ROR2: variants seen among roughly 807,000 people sequenced by gnomAD.
ROR2 encodes the protein ROR family WNT receptor 2.
Under a neutral mutation model 74.9 loss-of-function variants are expected in ROR2, and 33 were observed. That is an observed-to-expected ratio of 0.44 (90% CI 0.33 to 0.59). The LOEUF is 0.59. ROR2 is among the 20% of genes least tolerant of loss of function. The pLI is 0.02. For synonymous variants in ROR2, 586 were observed against 558.7 expected (o/e 1.05, Z -0.69); for missense variants, 1,216 against 1,313.8 (o/e 0.93, Z 1.15).
intron 1 of ROR2, among the ~76,000 whole-genome samples, chr9:91,821,292 C>T (rs897926123): frequency 6.6e-6 from 1 of 152,200 alleles, no homozygotes; most frequent in African/African-American, 2.4e-5. Context: ...TTAAGCCACC[C>T]AGTCTGTGGC....
chr9:91,835,762 A>C (rs1828593986), intron 1 of ROR2, among the ~76,000 whole-genome samples: 1 of 152,160 alleles, frequency 6.6e-6, no homozygotes, highest in African/African-American at 2.4e-5. Context: ...GCACCTGTGG[A>C]GCTCAGGGGC....
At chr9:91,785,912 C>A (rs1461156799) in intron 1 of ROR2, among the ~76,000 whole-genome samples, 1 of 152,104 alleles carries the variant, frequency 6.6e-6, no homozygotes, top group Non-Finnish European at 1.5e-5. Flanking sequence ...CTTTACAACT[C>A]CAAAGAAACT....
intron 5 of ROR2, among the ~76,000 whole-genome samples, chr9:91,737,045 T>C (rs528474073): frequency 2.0e-4 from 30 of 152,152 alleles, no homozygotes; most frequent in African/African-American, 7.0e-4. Flanking sequence ...GTGGGGGCGC[T>C]GAGGCTATCT....
intron 4 of ROR2, among the ~76,000 whole-genome samples, chr9:91,740,958 G>C (rs983816521): frequency 6.6e-6 from 1 of 152,120 alleles, no homozygotes; most frequent in African/African-American, 2.4e-5. Flanking sequence ...GGATGAAGAA[G>C]AAACTTCTAC....
chr9:91,927,424 A>G (rs1831432987), intron 1 of ROR2, among the ~76,000 whole-genome samples: 2 of 152,240 alleles, frequency 1.3e-5, no homozygotes, highest in East Asian at 1.9e-4. Flanking sequence ...CTCCAAAGCC[A>G]GAGGACCCTG....
chr9:91,891,322 G>A (rs1019187389), intron 1 of ROR2, among the ~76,000 whole-genome samples: 3 of 150,034 alleles, frequency 2.0e-5, no homozygotes, highest in South Asian at 2.1e-4. Flanking sequence ...GCAGTGGCAC[G>A]ATCTCACTGC....
At chr9:91,798,423 G>A (rs991936580) in intron 1 of ROR2, among the ~76,000 whole-genome samples, 1 of 123,636 alleles carries the variant, frequency 8.1e-6, no homozygotes, top group Admixed American at 7.8e-5. Flanking sequence ...CTCTGTGGGT[G>A]GGGCTGACAC....
At chr9:91,913,653 T>C (rs931558175) in intron 1 of ROR2, among the ~76,000 whole-genome samples, 8 of 152,236 alleles carry the variant, frequency 5.3e-5, no homozygotes, top group Admixed American at 2.0e-4. Flanking sequence ...ATTTACTCTC[T>C]AAACTACTCC....
chr9:91,819,508 G>A (rs1235508759), intron 1 of ROR2, among the ~76,000 whole-genome samples: 6 of 151,810 alleles, frequency 4.0e-5, no homozygotes, highest in Non-Finnish European at 8.8e-5. Context: ...GTGTCTTGGC[G>A]TGTGTTCTGT....
At chr9:91,740,414 T>C (rs1825187380) in intron 4 of ROR2, among the ~76,000 whole-genome samples, 2 of 151,716 alleles carry the variant, frequency 1.3e-5, no homozygotes, top group Admixed American at 1.3e-4. Flanking sequence ...TAGCCAGGCG[T>C]AGTGGTGGGT....
chr9:91,744,055 T>G lies in ROR2; in HGVS notation c.495-6537A>C, dbSNP rs555623517. ...TAACCAGAATAAATCTTTCAGACAT[T>G]ACATTTAATGAAAGAGGCCAGACAT... On this transcript the variant is annotated intron_variant, in intron 4 of 8. Coordinates refer to ENST00000375708, the MANE Select transcript of ROR2 (RefSeq NM_004560.4). Among the ~76,000 whole-genome samples, 11 of 152,230 alleles carry G rather than the reference T, an allele frequency of 7.2e-5. 1 individual carries two copies. The South Asian group carries it at 2.3e-3, about 32-fold the overall frequency.
chr9:91,830,809 CGTGTGTGTGTGTGT>C lies in ROR2; in HGVS notation c.98-55005_98-54992del, dbSNP rs34963566. ...TTTACCAAAACTAAATAACTGTGTC[CGTGTGTGTGTGTGT>C]GTGTGTGTGTGTGTGTGTGTGTGTG... On this transcript the variant is annotated intron_variant, in intron 1 of 8. Transcript: ENST00000375708. Among the ~76,000 whole-genome samples, 294 of 139,678 alleles carry C rather than the reference CGTGTGTGTGTGTGT, an allele frequency of 2.1e-3. 2 individuals carry two copies. Among genetic ancestry groups the C allele is most frequent in the South Asian group, 5.5e-3 (22 of 4,012 alleles). 91.6% of individuals were successfully genotyped at this position (139,678 alleles called of 152,430 possible). A position where few individuals can be genotyped will look rare whatever the true frequency, so the allele number is the denominator to read the frequency against.
At chr9:91,779,727 C>A (rs1014545349) in intron 1 of ROR2, among the ~76,000 whole-genome samples, 2 of 152,098 alleles carry the variant, frequency 1.3e-5, no homozygotes, top group Non-Finnish European at 2.9e-5. Flanking sequence ...GGCCTCAAAG[C>A]CAAGTATGCA....
At position 91,722,689 on chromosome 9, in the gene ROR2, G is replaced by T; in HGVS notation, c.*973C>A. 1.3e-6 allele frequency: 1 copy of T among 766,702 alleles called. No homozygotes were observed. The allele number at this position is 766,702 out of a possible 1,614,324, so 47.5% of individuals were successfully genotyped here. A position where few individuals can be genotyped will look rare whatever the true frequency, so the allele number is the denominator to read the frequency against. ...GCGGGGCACAGACGGCTGCCTGTGG[G>T]TCTGTGTGTAACAGGGGCTGTAAAA... On this transcript the variant is annotated 3_prime_UTR_variant, in exon 9 of 9. Transcript: ENST00000375708.
chr9:91,900,573 G>A (rs1830652144), intron 1 of ROR2, among the ~76,000 whole-genome samples: 1 of 152,250 alleles, frequency 6.6e-6, no homozygotes, highest in South Asian at 2.1e-4. Context: ...CAAGGAGGCG[G>A]GAAAACGACA....
chr9:91,727,679 C>G (rs1317102407), intron 7 of ROR2, among the ~76,000 whole-genome samples: 1 of 151,914 alleles, frequency 6.6e-6, no homozygotes, highest in South Asian at 2.1e-4. Context: ...CCCCAGAAAA[C>G]CACGGTGTTC....
chr9:91,922,802 G>C (rs1029045247), intron 1 of ROR2, among the ~76,000 whole-genome samples: 1 of 151,946 alleles, frequency 6.6e-6, no homozygotes, highest in African/African-American at 2.4e-5. Flanking sequence ...AAAACCTGTC[G>C]ACTCCTCAGT....
At chr9:91,846,372 C>T (rs1828931539) in intron 1 of ROR2, among the ~76,000 whole-genome samples, 1 of 152,194 alleles carries the variant, frequency 6.6e-6, no homozygotes, top group Admixed American at 6.5e-5. Context: ...GACACTGGCA[C>T]TCACTCTTTC....
chr9:91,937,372 A>G (rs939785816), intron 1 of ROR2, among the ~76,000 whole-genome samples: 2 of 152,190 alleles, frequency 1.3e-5, no homozygotes, highest in African/African-American at 4.8e-5. Context: ...AACCCAGAGG[A>G]TGAGGCGAGT....
Sources: allele counts gnomAD v4.1 joint callset (sites outside exome capture counted in the v4.1 genomes callset), GRCh38; gene constraint gnomAD v4.1.1; transcripts MANE v1.5; gene names NCBI Gene and HGNC (gene_info 2026-07-23, HGNC 2026-07-21).